The following ACAD10 variants were observed in gnomAD, a reference collection of about 807,000 sequenced individuals.
ACAD10 encodes the protein ACAD-10.
Under a neutral mutation model 116.8 loss-of-function variants are expected in ACAD10, and 112 were observed. The observed-to-expected ratio is 0.96, with a 90% CI of 0.82 to 1.12. The LOEUF is 1.12. ACAD10 is among the 50% of genes most tolerant of loss of function. The pLI, the probability that ACAD10 is intolerant of heterozygous loss-of-function variation, is 0.00. For synonymous variants in ACAD10, 486 were observed against 510.6 expected, an observed-to-expected ratio of 0.95 and a Z score of 0.65; for missense variants, 1,259 against 1,350.2, an observed-to-expected ratio of 0.93 and a Z score of 1.06.
intron 10 of ACAD10, among the ~76,000 whole-genome samples, chr12:111,733,150 A>G (rs891885069): frequency 2.6e-5 from 4 of 151,976 alleles, no homozygotes; most frequent in Non-Finnish European, 4.4e-5. Context: ...TGTAGTGGCA[A>G]TTCATAGGCT....
chr12:111,706,011 C>T, intron 4 of ACAD10, 79 bp downstream of exon 4: 1 of 1,493,494 alleles, frequency 6.7e-7, no homozygotes, highest in Non-Finnish European at 9.1e-7. Context: ...TGCTATCTTC[C>T]AGCAGGTCTT....
intron 5 of ACAD10, among the ~76,000 whole-genome samples, chr12:111,711,378 T>G (rs1888681263): frequency 6.6e-6 from 1 of 151,446 alleles, no homozygotes; most frequent in Admixed American, 6.6e-5. Context: ...TTTTTTTGTA[T>G]TTTTAGTAGA....
chr12:111,734,921 T>A (rs1041345120), intron 11 of ACAD10, among the ~76,000 whole-genome samples: 3 of 152,158 alleles, frequency 2.0e-5, no homozygotes, highest in Admixed American at 2.0e-4. Flanking sequence ...ATAATTTTAT[T>A]GTATAGAATT....
Position 111,692,771 on chromosome 12 carries a change from T to G in ACAD10, c.62T>G (p.Leu21Arg), listed in dbSNP as rs1329653451. ...RLQWVWRTAF[L>R]KHTQRRHQGS... ...CAGTGGGTGTGGAGAACAGCCTTCCTGAAACACACCCAGCGCAGGCACCAG... is the reference window on the plus strand; with the variant it reads ...CAGTGGGTGTGGAGAACAGCCTTCCGGAAACACACCCAGCGCAGGCACCAG... Residue 21 changes from leucine to arginine, a missense_variant, in exon 2 of 21, where the codon CTG becomes CGG. Physicochemically the swap from Leu to Arg is moderately radical, Grantham distance 102 (BLOSUM62 -2). Transcript: ENST00000313698. The G allele has an allele frequency of 2.5e-6, 4 of 1,614,086 alleles. No individual in the cohort carries two copies. The East Asian group carries it at 6.7e-5, about 27-fold the overall frequency.
At chr12:111,724,497 C>T (rs539520219) in intron 8 of ACAD10, among the ~76,000 whole-genome samples, 114 of 152,216 alleles carry the variant, frequency 7.5e-4, no homozygotes, top group Non-Finnish European at 1.1e-3. Flanking sequence ...CACGCCACTG[C>T]ACTCCAGCCT....
intron 5 of ACAD10, chr12:111,710,398 T>C: frequency 2.7e-6 from 1 of 367,200 alleles, no homozygotes; most frequent in South Asian, 2.0e-5. Context: ...TCTATTCTTC[T>C]ATGTTTGGGT....
chr12:111,701,221 GTA>G (rs1566143043), intron 2 of ACAD10, among the ~76,000 whole-genome samples: 1 of 152,186 alleles, frequency 6.6e-6, no homozygotes, highest in Non-Finnish European at 1.5e-5. Flanking sequence ...AATGTTGTAT[GTA>G]TATATTTGCC....
Position 111,744,984 on chromosome 12 carries a change from C to T in ACAD10, c.2056C>T (p.Gln686Ter), listed in dbSNP as rs1787887603. 6.2e-7 allele frequency: 1 copy of T among 1,614,116 alleles called. No homozygotes were observed. Among genetic ancestry groups the T allele is most frequent in the Non-Finnish European group, 8.5e-7 (1 of 1,180,042 alleles). Residue 686 changes from glutamine (Q) to a stop codon, truncating the protein, a stop_gained, in exon 13 of 21, where the codon CAG (glutamine) becomes TAG (stop). Coordinates refer to ENST00000313698, the MANE Select transcript of ACAD10 (RefSeq NM_025247.6). LOFTEE classifies it high-confidence loss of function. Reference sequence around the variant, plus strand: ...TGTGTACCCTGCAGAGCCAGAGCTGCAGAGTCACCAGGCCTCAGCAGCCAG... The same window carrying T: ...TGTGTACCCTGCAGAGCCAGAGCTGTAGAGTCACCAGGCCTCAGCAGCCAG... ...QRVYPAEPEL[Q>*]SHQASAARWS...
At chr12:111,737,822 T>G in intron 12 of ACAD10, among the ~76,000 whole-genome samples, 1 of 151,996 alleles carries the variant, frequency 6.6e-6, no homozygotes, top group Admixed American at 6.6e-5. Context: ...ATTTAACAAC[T>G]ATATGAGGCA....
intron 8 of ACAD10, among the ~76,000 whole-genome samples, chr12:111,722,538 C>T (rs1174634835): frequency 7.2e-5 from 11 of 151,940 alleles, no homozygotes; most frequent in Admixed American, 1.3e-4. Context: ...TGCGGCCTTC[C>T]GCAGTGTTTG....
chr12:111,745,129 G>T, intron 13 of ACAD10, 86 bp downstream of exon 13: 1 of 1,425,268 alleles, frequency 7.0e-7, no homozygotes, highest in Non-Finnish European at 9.3e-7. Context: ...ACCATCCCAG[G>T]CAGTGAAGAT....
intron 1 of ACAD10, among the ~76,000 whole-genome samples, chr12:111,691,325 T>A (rs1888034936): frequency 6.6e-6 from 1 of 152,096 alleles, no homozygotes; most frequent in African/African-American, 2.4e-5. Flanking sequence ...GGTGTCATCG[T>A]AAGTGCTAGG....
chr12:111,713,903 G>A (rs1334138662), intron 6 of ACAD10, among the ~76,000 whole-genome samples: 2 of 150,716 alleles, frequency 1.3e-5, no homozygotes, highest in Non-Finnish European at 3.0e-5. Flanking sequence ...TGCCACTGCA[G>A]GCCTGGGTGA....
intron 4 of ACAD10, among the ~76,000 whole-genome samples, chr12:111,706,357 C>T (rs1311821867): frequency 1.3e-5 from 2 of 152,154 alleles, no homozygotes; most frequent in South Asian, 4.1e-4. Flanking sequence ...ATACTAAATC[C>T]ATCTGCTCCA....
At chr12:111,738,200 T>C (rs1347219115) in intron 12 of ACAD10, among the ~76,000 whole-genome samples, 1 of 152,094 alleles carries the variant, frequency 6.6e-6, no homozygotes, top group African/African-American at 2.4e-5. Context: ...CTTTGACAAC[T>C]TCCTTGCTCG....
intron 1 of ACAD10, chr12:111,691,213 T>A (rs1472416870): frequency 6.6e-6 from 1 of 152,260 alleles, no homozygotes; most frequent in Non-Finnish European, 1.5e-5. Context: ...GTGTTGTGTG[T>A]GTCTTTTTTT....
chr12:111,749,578 C>G, intron 18 of ACAD10: 1 of 564,660 alleles, frequency 1.8e-6, no homozygotes. Flanking sequence ...AAACGCCAGG[C>G]TCTGTAGCAG....
rs779859192 is a variant in ACAD10, at chr12:111,709,526, A to G, written c.532A>G (p.Ile178Val). The G allele has an allele frequency of 7.6e-6, 12 of 1,569,118 alleles. No individual in the cohort carries two copies. In the African/African-American group the frequency reaches 1.7e-4, roughly 22 times the overall value. ...LPLDRKQFDV[I>V]VESCMEGICK... ...TCTCTCATTCCTGTCCCTCCATCAG[A>G]TTGTGGAGTCCTGCATGGAAGGGAT... Residue 178 changes from isoleucine to valine, a missense_variant and splice_region_variant, in exon 5 of 21, where the codon ATT (isoleucine) becomes GTT (valine). Transcript: ENST00000313698.
At chr12:111,692,601 T>C (rs938690363) in intron 1 of ACAD10, 96 bp from the exon 2 acceptor site, 9 of 1,254,802 alleles carry the variant, frequency 7.2e-6, no homozygotes, top group Non-Finnish European at 9.0e-6. Flanking sequence ...TGGAGATGGG[T>C]TAGAGATGTC....
Sources: allele counts gnomAD v4.1 joint callset (sites outside exome capture counted in the v4.1 genomes callset), GRCh38; gene constraint gnomAD v4.1.1; transcripts MANE v1.5; gene names NCBI Gene and HGNC (gene_info 2026-07-23, HGNC 2026-07-21).